Variants in MYO16 observed in about 807,000 individuals in gnomAD.
MYO16 encodes the protein unconventional myosin-XVI.
In MYO16, 94 loss-of-function variants were observed where a neutral mutation model predicts 205.3. The ratio of observed to expected loss-of-function variants is 0.46; its 90% confidence interval spans 0.39 to 0.54. The LOEUF is 0.54. Ranked by LOEUF, MYO16 falls within the 20% of genes least tolerant of loss-of-function variation. MYO16 has a pLI of 0.00. For missense variants in MYO16, 2,315 were observed against 2,387.5 expected, an observed-to-expected ratio of 0.97 and a Z score of 0.63; for synonymous variants, 988 against 954.0, an observed-to-expected ratio of 1.04 and a Z score of -0.66.
At chr13:108,641,984 G>T (rs1880524459) in intron 1 of MYO16, among the ~76,000 whole-genome samples, 1 of 152,212 alleles carries the variant, frequency 6.6e-6, no homozygotes, top group East Asian at 1.9e-4. Context: ...TGCTACTTAT[G>T]GGACCACAGG....
At chr13:109,075,117 T>G (rs563104572) in intron 27 of MYO16, among the ~76,000 whole-genome samples, 1 of 152,282 alleles carries the variant, frequency 6.6e-6, no homozygotes, top group East Asian at 1.9e-4. Flanking sequence ...GTTTTCTCAG[T>G]TTTGGGTTAT....
At position 109,140,530 on chromosome 13, in the gene MYO16, C is replaced by T. The variant is rs1369816006; in HGVS notation, c.4318C>T (p.His1440Tyr). ...SEPVYIEMLG[H>Y]AARPDSPDPG... ...GCCTGTGTACATCGAGATGCTGGGG[C>T]ACGCGGCCAGGCCCGATAGCCCGGA... is the stretch of plus-strand genomic sequence containing the variant. Residue 1440 changes from histidine (H) to tyrosine (Y), a missense_variant, in exon 32 of 35, where the codon CAC (histidine) becomes TAC (tyrosine). Transcript: ENST00000457511. This position sits in a 1 kb window ranked among gnomAD's most constrained non-coding sequence, Gnocchi z 8.0. 32 of 1,551,688 alleles carry T rather than the reference C, an allele frequency of 2.1e-5. No homozygotes were observed. Among genetic ancestry groups the T allele is most frequent in the Admixed American group, 1.3e-4 (7 of 53,728 alleles).
intron 9 of MYO16, among the ~76,000 whole-genome samples, chr13:108,828,821 G>A (rs1178516196): frequency 6.6e-6 from 1 of 152,112 alleles, no homozygotes; most frequent in Non-Finnish European, 1.5e-5. Flanking sequence ...ACTCCGAATT[G>A]GTGAGCACAT....
chr13:108,960,340 A>G (rs1883535706), intron 17 of MYO16, among the ~76,000 whole-genome samples: 1 of 152,138 alleles, frequency 6.6e-6, no homozygotes, highest in African/African-American at 2.4e-5. Context: ...GGCTTGAATA[A>G]TGCCATTTTA....
chr13:108,685,571 C>T (rs1331335481), intron 2 of MYO16, among the ~76,000 whole-genome samples: 2 of 152,152 alleles, frequency 1.3e-5, no homozygotes, highest in Non-Finnish European at 2.9e-5. Context: ...GTTGTTTGTT[C>T]TTGTTATACA....
chr13:109,048,460 C>T, intron 24 of MYO16: 1 of 562,922 alleles, frequency 1.8e-6, no homozygotes, highest in Non-Finnish European at 3.3e-6. Context: ...CCTTGTGCAC[C>T]ATAAGATCCT....
At chr13:108,899,006 A>G (rs1235028007) in intron 15 of MYO16, among the ~76,000 whole-genome samples, 1 of 152,068 alleles carries the variant, frequency 6.6e-6, no homozygotes, top group Non-Finnish European at 1.5e-5. Flanking sequence ...AAGTTACCCT[A>G]TTTTCCCTTC....
At chr13:108,674,403 A>C (rs2139452490) in intron 2 of MYO16, among the ~76,000 whole-genome samples, 1 of 152,272 alleles carries the variant, frequency 6.6e-6, no homozygotes, top group Middle Eastern at 3.4e-3. Flanking sequence ...GCCTGTTATA[A>C]TTTTCACAAC....
intron 34 of MYO16, among the ~76,000 whole-genome samples, chr13:109,184,248 G>C (rs978518845): frequency 9.9e-5 from 15 of 152,020 alleles, no homozygotes; most frequent in African/African-American, 3.4e-4. Flanking sequence ...AGCACACAAA[G>C]CTCTTTCACA....
intron 14 of MYO16, among the ~76,000 whole-genome samples, chr13:108,893,867 T>A (rs1880288116): frequency 6.6e-6 from 1 of 152,126 alleles, no homozygotes; most frequent in Non-Finnish European, 1.5e-5. Context: ...TTGGGGGTCA[T>A]TTGGATCAGC....
At chr13:109,067,076 A>C (rs543408416) in intron 27 of MYO16, among the ~76,000 whole-genome samples, 10 of 152,276 alleles carry the variant, frequency 6.6e-5, no homozygotes, top group Admixed American at 4.6e-4. Context: ...AGTGTAACTT[A>C]GGAGTCTGCA....
intron 17 of MYO16, among the ~76,000 whole-genome samples, chr13:108,960,076 C>T (rs924782552): frequency 6.6e-5 from 10 of 151,522 alleles, no homozygotes; most frequent in African/African-American, 2.2e-4. Flanking sequence ...AGTTCGAGAC[C>T]AACCTGAACA....
In MYO16 at chr13:108,911,062, C is replaced by G. The variant is rs147638960; in HGVS notation, c.1925+912C>G. On this transcript the variant is annotated intron_variant, in intron 16 of 34. Transcript: ENST00000457511. ...ACACACACACACACACACACACACA[C>G]ACACAGAGAGAGAGAAGGGTTGCTT... 3.2e-4 allele frequency among the ~76,000 whole-genome samples: 37 copies of G among 114,744 alleles called. No individual in the cohort carries two copies. In the East Asian group the frequency reaches 6.3e-3, roughly 20 times the overall value. 75.3% of individuals were successfully genotyped at this position (114,744 alleles called of 152,430 possible). A position where few individuals can be genotyped will look rare whatever the true frequency, so the allele number is the denominator to read the frequency against.
chr13:108,628,141 C>T (rs750125751), upstream of MYO16, among the ~76,000 whole-genome samples: 20 of 152,132 alleles, frequency 1.3e-4, no homozygotes, highest in Non-Finnish European at 2.8e-4. Flanking sequence ...TTTAAAAATA[C>T]ATTATAGATT....
At chr13:108,577,899 T>C in the MYO16 span, among the ~76,000 whole-genome samples, 1 of 152,196 alleles carries the variant, frequency 6.6e-6, no homozygotes, top group Non-Finnish European at 1.5e-5. Context: ...TCTAATTCTA[T>C]TTTCATTCCA....
chr13:108,741,281 C>T (rs1884902105), intron 4 of MYO16, among the ~76,000 whole-genome samples: 1 of 152,140 alleles, frequency 6.6e-6, no homozygotes, highest in South Asian at 2.1e-4. Flanking sequence ...GGAACCACCC[C>T]CTATAATATT....
chr13:108,542,535 G>A, the MYO16 span, among the ~76,000 whole-genome samples: 1 of 152,022 alleles, frequency 6.6e-6, no homozygotes, highest in Non-Finnish European at 1.5e-5. Flanking sequence ...ACTTTCTTTG[G>A]TGTCTCAAAT....
In MYO16 at chr13:109,026,371, G is replaced by A. The variant is rs376433501; in HGVS notation, c.2796+6460G>A. On this transcript the variant is annotated intron_variant, in intron 23 of 34. Transcript: ENST00000457511. ...GAAAAGAAGGAGGCCATGTGACCAC[G>A]GGGGGAGGTATTGAAGCAGCCAGGA... 1.7e-3 allele frequency among the ~76,000 whole-genome samples: 265 copies of A among 152,148 alleles called. 10 individuals carry two copies. In the South Asian group the frequency reaches 0.052, roughly 30 times the overall value.
chr13:108,574,564 T>C, the MYO16 span, among the ~76,000 whole-genome samples: 6 of 152,126 alleles, frequency 3.9e-5, no homozygotes, highest in African/African-American at 1.4e-4. Flanking sequence ...AAGCTTCAAC[T>C]CAGTAACTTA....
Sources: gnomAD v4.1 joint callset for allele counts (sites outside exome capture counted in the v4.1 genomes callset) on GRCh38, gnomAD v4.1.1 for gene constraint, Gnocchi (gnomAD v3.1) non-coding constraint, MANE v1.5 for transcripts, NCBI Gene and HGNC (gene_info 2026-07-23, HGNC 2026-07-21) for gene names.